The following NRP2 variants were observed in gnomAD, a reference collection of about 807,000 sequenced individuals.
NRP2 encodes the protein neuropilin 2, also known as neuropilin-2.
In NRP2, 52 loss-of-function variants were observed where a neutral mutation model predicts 110.4. The observed-to-expected ratio is 0.47, with a 90% CI of 0.38 to 0.59. The LOEUF (loss-of-function observed/expected upper bound fraction) is 0.59, where lower values mean the gene tolerates loss of function less well. Ranked by LOEUF, NRP2 falls within the 20% of genes least tolerant of loss-of-function variation. The pLI is 0.00. For synonymous variants in NRP2, 508 were observed against 468.9 expected (o/e 1.08, Z -1.08); for missense variants, 1,049 against 1,203.0 (o/e 0.87, Z 1.89).
rs1487432984 is a variant in NRP2, at chr2:205,723,816, C to T, written c.696C>T (p.Thr232=). Reference sequence around the variant, plus strand: ...CCCTGATTGGCAAGTACTGTGGGACCAAAACACCCTCTGAACTTCGTTCAT... The same window carrying T: ...CCCTGATTGGCAAGTACTGTGGGACTAAAACACCCTCTGAACTTCGTTCAT... The part of the protein sequence containing the change: ...VGPLIGKYCG[T]KTPSELRSST... Residue 232 remains threonine (T), a synonymous_variant, in exon 5 of 17, where the codon ACC becomes ACT. Coordinates refer to ENST00000357785, the MANE Select transcript of NRP2 (RefSeq NM_003872.3). 4.3e-6 allele frequency: 7 copies of T among 1,614,062 alleles called. No individual in the cohort carries two copies. In the Admixed American group the frequency reaches 1.2e-4, roughly 27 times the overall value.
At chr2:205,716,607 A>T (rs2056902396) in intron 3 of NRP2, among the ~76,000 whole-genome samples, 1 of 152,004 alleles carries the variant, frequency 6.6e-6, no homozygotes, top group East Asian at 1.9e-4. Context: ...CAAAACAGCC[A>T]TTGTTTGTGG....
chr2:205,762,075 T>C (rs1028071895), intron 12 of NRP2: 2 of 152,250 alleles, frequency 1.3e-5, no homozygotes, highest in African/African-American at 4.8e-5. Flanking sequence ...CCATTATTAA[T>C]TCTCTTCTGT....
intron 15 of NRP2, among the ~76,000 whole-genome samples, chr2:205,791,305 G>T (rs929803021): frequency 3.3e-5 from 5 of 152,346 alleles, no homozygotes; most frequent in Admixed American, 2.6e-4. Context: ...CTCTGAGAGG[G>T]CCATACACAT....
intron 13 of NRP2, 77 bp downstream of exon 13, chr2:205,764,013 C>T: frequency 1.3e-6 from 2 of 1,555,578 alleles, no homozygotes; most frequent in Non-Finnish European, 8.8e-7. Context: ...CGTTAGGGAA[C>T]GTGGTTAAGC....
chr2:205,701,018 G>A (rs849555), intron 2 of NRP2: 135,876 of 211,100 alleles, frequency 0.64, 45,111 homozygotes, highest in East Asian at 0.87. Flanking sequence ...TTGCTGCTCC[G>A]GCAGACAGAG....
At chr2:205,738,321 T>G (rs1303630626) in intron 7 of NRP2, among the ~76,000 whole-genome samples, 1 of 152,074 alleles carries the variant, frequency 6.6e-6, no homozygotes, top group Non-Finnish European at 1.5e-5. Flanking sequence ...GAGGCCCCCC[T>G]GCTGCTGCTC....
chr2:205,719,423 C>T lies in NRP2; in HGVS notation c.433+3049C>T, dbSNP rs566837152. Among the ~76,000 whole-genome samples, 445 of 149,110 alleles carry T rather than the reference C, an allele frequency of 3.0e-3. 2 individuals are homozygous for T. The highest frequency in any genetic ancestry group is 5.1e-3 in the Non-Finnish European group (344 of 67,588). ...CATTTAAAAGGGTAAGCCAGAACAA[C>T]TTACATACTTAAAAGATCTCAAATC... On this transcript the variant is annotated intron_variant, in intron 3 of 16. Transcript: ENST00000357785.
intron 9 of NRP2, among the ~76,000 whole-genome samples, chr2:205,744,281 G>A (rs778629100): frequency 7.2e-4 from 109 of 152,300 alleles, no homozygotes; most frequent in Non-Finnish European, 3.5e-4. Flanking sequence ...AAGTTTCCTT[G>A]AAATTGGCCA....
chr2:205,776,206 G>A (rs1319509901), intron 15 of NRP2: 3 of 1,562,282 alleles, frequency 1.9e-6, no homozygotes, highest in South Asian at 2.2e-5. Context: ...TAGTCTGCAT[G>A]CTCTCAGCCT....
chr2:205,754,814 G>C (rs1377664668), intron 12 of NRP2, among the ~76,000 whole-genome samples: 3 of 151,788 alleles, frequency 2.0e-5, no homozygotes, highest in Non-Finnish European at 2.9e-5. Flanking sequence ...GGGTGTGTGT[G>C]TGTGTCTGTG....
rs148318298 is a variant in NRP2, at chr2:205,765,535, G to A, written c.2369G>A (p.Arg790Gln). The A allele has an allele frequency of 3.3e-5, 53 of 1,614,066 alleles. No homozygotes were observed. In the Middle Eastern group the frequency reaches 4.9e-4, roughly 15 times the overall value. ...GGAGAGATTGCCATTGATGACATTC[G>A]GATAAGCACTGATGTCCCACTGGAG... ...RSGEIAIDDI[R>Q]ISTDVPLENC... Residue 790 changes from arginine (R) to glutamine (Q), a missense_variant, in exon 14 of 17, where the codon CGG becomes CAG. Arg to Gln is a conservative substitution (Grantham distance 43). Transcript: ENST00000357785.
chr2:205,746,535 C>G (rs898075252), intron 10 of NRP2, among the ~76,000 whole-genome samples: 12 of 152,188 alleles, frequency 7.9e-5, no homozygotes, highest in Non-Finnish European at 4.4e-5. Flanking sequence ...CAGGCCCTAC[C>G]TTCCTTTCCT....
At chr2:205,748,520 G>A (rs1186803346) in intron 10 of NRP2, among the ~76,000 whole-genome samples, 2 of 152,236 alleles carry the variant, frequency 1.3e-5, no homozygotes, top group Non-Finnish European at 2.9e-5. Context: ...ACAGCAAAGG[G>A]AAGTATGAAA....
chr2:205,703,953 A>G (rs933235331), intron 2 of NRP2, among the ~76,000 whole-genome samples: 4 of 152,062 alleles, frequency 2.6e-5, no homozygotes, highest in African/African-American at 9.7e-5. Context: ...TGGCCAGACA[A>G]CTTCCACCAT....
At chr2:205,792,686 T>C (rs2058314889) in intron 16 of NRP2, among the ~76,000 whole-genome samples, 1 of 152,230 alleles carries the variant, frequency 6.6e-6, no homozygotes, top group African/African-American at 2.4e-5. Context: ...CTGTGGTTTC[T>C]GGTTCCCTGG....
In NRP2 at chr2:205,795,002, G is replaced by A. The variant is rs758975941; in HGVS notation, c.2725G>A (p.Asp909Asn). 50 of 1,614,066 alleles carry A rather than the reference G, an allele frequency of 3.1e-5. No individual in the cohort carries two copies. The highest frequency in any genetic ancestry group is 3.9e-5 in the Non-Finnish European group (46 of 1,180,044). The stretch of plus-strand genomic sequence containing the variant: ...GGAGAACTACAACTTCGAGCTCTAC[G>A]ATGGCCTTAAGCACAAGGTCAAGAT... ...TLENYNFELY[D>N]GLKHKVKMNH... The change falls in exon 17 of 17, where the codon GAT (aspartate) becomes AAT (asparagine). Residue 909 changes from aspartate to asparagine, a missense_variant. Physicochemically the swap from Asp to Asn is conservative, Grantham distance 23 (BLOSUM62 1). Transcript: ENST00000357785.
At chr2:205,764,207 G>C (rs984041849) in intron 13 of NRP2, 3 of 491,538 alleles carry the variant, frequency 6.1e-6, no homozygotes, top group African/African-American at 5.8e-5. Flanking sequence ...ATTGCTATCA[G>C]GTAGGCTGAC....
chr2:205,692,442 G>A (rs1488777834), intron 1 of NRP2, among the ~76,000 whole-genome samples: 3 of 152,190 alleles, frequency 2.0e-5, no homozygotes, highest in Non-Finnish European at 4.4e-5. Context: ...CTTATCCCGG[G>A]TTGGTGAGCA....
intron 15 of NRP2, among the ~76,000 whole-genome samples, chr2:205,772,204 A>C (rs2058033588): frequency 6.6e-6 from 1 of 152,254 alleles, no homozygotes; most frequent in African/African-American, 2.4e-5. Context: ...AAATTGATTC[A>C]TGTGAAGCCC....
Sources: gnomAD v4.1 joint callset for allele counts (sites outside exome capture counted in the v4.1 genomes callset) on GRCh38, gnomAD v4.1.1 for gene constraint, MANE v1.5 for transcripts, NCBI Gene and HGNC (gene_info 2026-07-23, HGNC 2026-07-21) for gene names.